Variants in SYNPR observed in about 807,000 individuals in gnomAD.
SYNPR encodes the protein synaptoporin.
A neutral mutation model predicts 32.9 loss-of-function variants in SYNPR; 23 were observed. That is an observed-to-expected ratio of 0.70 (90% CI 0.50 to 0.99). The LOEUF is 0.99. Among genes scored for constraint, SYNPR ranks in the 50% least tolerant of loss-of-function variants. The pLI, the probability that SYNPR is intolerant of heterozygous loss-of-function variation, is 0.00. For synonymous variants in SYNPR, 146 were observed against 135.9 expected, an observed-to-expected ratio of 1.07 and a Z score of -0.52; for missense variants, 318 against 349.3, an observed-to-expected ratio of 0.91 and a Z score of 0.71.
At chr3:63,391,066 C>T (rs1401532360) in intron 2 of SYNPR, among the ~76,000 whole-genome samples, 1 of 152,174 alleles carries the variant, frequency 6.6e-6, no homozygotes, top group Non-Finnish European at 1.5e-5. Context: ...CATCATGACT[C>T]AATTCCTTCT....
intron 2 of SYNPR, among the ~76,000 whole-genome samples, chr3:63,334,798 A>G (rs1188321460): frequency 6.6e-6 from 1 of 151,464 alleles, no homozygotes; most frequent in Non-Finnish European, 1.5e-5. Flanking sequence ...TATTAGGTTG[A>G]TGCAAAGGTA....
intron 3 of SYNPR, among the ~76,000 whole-genome samples, chr3:63,270,760 C>T (rs2086527343): frequency 6.6e-6 from 1 of 152,158 alleles, no homozygotes; most frequent in South Asian, 2.1e-4. Context: ...GAGCTTATCA[C>T]AGTGCCTGGC....
At chr3:63,203,136 ACAAG>A in the SYNPR span, 1 of 143,498 alleles carries the variant, frequency 7.0e-6, no homozygotes, top group African/African-American at 2.7e-5. Context: ...GTTTTTAAAA[ACAAG>A]CATCTATACC....
In SYNPR at chr3:63,454,234, T is replaced by C. The variant is rs1236796424; in HGVS notation, c.85-26598T>C. Among the ~76,000 whole-genome samples the C allele has an allele frequency of 2.0e-5, 3 of 152,228 alleles. No homozygotes were observed. The East Asian group carries it at 5.8e-4, about 29-fold the overall frequency. On this transcript the variant is annotated intron_variant, in intron 2 of 5. Transcript: ENST00000478300. Reference sequence around the variant, plus strand: ...ATGGGCTGTTCTTTCAAATACATATTTTAATAATTGAATTAAACAGTAAAT... The same window carrying C: ...ATGGGCTGTTCTTTCAAATACATATCTTAATAATTGAATTAAACAGTAAAT...
intron 2 of SYNPR, among the ~76,000 whole-genome samples, chr3:63,388,532 C>T (rs1044335587): frequency 3.3e-5 from 5 of 150,210 alleles, no homozygotes; most frequent in African/African-American, 7.4e-5. Context: ...GGATTACAGG[C>T]GCACACCACC....
In SYNPR at chr3:63,293,212, G is replaced by A. The variant is rs114004815; in HGVS notation, c.84+14470G>A. Among the ~76,000 whole-genome samples, 1,396 of 152,254 alleles carry A rather than the reference G, an allele frequency of 9.2e-3. 26 individuals carry two copies. Among genetic ancestry groups the A allele is most frequent in the African/African-American group, 0.031 (1,269 of 41,538 alleles). On this transcript the variant is annotated intron_variant, in intron 2 of 5. Coordinates refer to ENST00000478300, the MANE Select transcript of SYNPR (RefSeq NM_001130003.2). ...AGGTCACTTGCCTCAAGTCACATAG[G>A]TGGTAAGTGACCAAGGCAGGGTTTC...
intron 2 of SYNPR, among the ~76,000 whole-genome samples, chr3:63,264,821 G>A (rs1367877696): frequency 6.6e-6 from 1 of 152,140 alleles, no homozygotes; most frequent in East Asian, 1.9e-4. Flanking sequence ...GAAGGACGGA[G>A]TGAGGGCAAG....
chr3:63,453,172 T>TA (rs1217638792), intron 2 of SYNPR, among the ~76,000 whole-genome samples: 3 of 152,158 alleles, frequency 2.0e-5, no homozygotes, highest in African/African-American at 7.2e-5. Context: ...TAGCACAAGT[T>TA]AAAAGAATAG....
chr3:63,354,217 C>G lies in SYNPR; in HGVS notation c.84+75475C>G, dbSNP rs116547169. Among the ~76,000 whole-genome samples, 1,491 of 152,290 alleles carry G rather than the reference C, an allele frequency of 9.8e-3. 9 individuals are homozygous for G. Among genetic ancestry groups the G allele is most frequent in the Non-Finnish European group, 0.015 (1,037 of 68,016 alleles). On this transcript the variant is annotated intron_variant, in intron 2 of 5. Coordinates refer to ENST00000478300, the MANE Select transcript of SYNPR (RefSeq NM_001130003.2). The stretch of plus-strand genomic sequence containing the variant: ...AACAATGATCATTTGCTATTGCTTG[C>G]ATAAATAAGGGGCAACTGGGATTTC...
chr3:63,569,331 C>A (rs2106844393), intron 4 of SYNPR, among the ~76,000 whole-genome samples: 1 of 152,128 alleles, frequency 6.6e-6, no homozygotes, highest in Middle Eastern at 3.4e-3. Context: ...CTAATTTTTT[C>A]CACATTAAAT....
At chr3:63,334,171 C>G (rs921839927) in intron 2 of SYNPR, among the ~76,000 whole-genome samples, 1 of 152,164 alleles carries the variant, frequency 6.6e-6, no homozygotes, top group Non-Finnish European at 1.5e-5. Context: ...ATAGCTCTTA[C>G]ATGTTTTTTT....
chr3:63,258,030 A>C (rs1204526397), intron 2 of SYNPR, among the ~76,000 whole-genome samples: 2 of 152,212 alleles, frequency 1.3e-5, no homozygotes, highest in Non-Finnish European at 2.9e-5. Context: ...ACTATCCTAA[A>C]TATATATGCA....
chr3:63,228,105 A>G (rs951154868), upstream of SYNPR, among the ~76,000 whole-genome samples: 3 of 152,186 alleles, frequency 2.0e-5, no homozygotes, highest in African/African-American at 7.2e-5. Context: ...ATTATACAGA[A>G]AAAGAAGGGA....
chr3:63,358,289 G>C (rs1347664697), intron 2 of SYNPR, among the ~76,000 whole-genome samples: 1 of 152,198 alleles, frequency 6.6e-6, no homozygotes, highest in Non-Finnish European at 1.5e-5. Context: ...TGATCCTTTT[G>C]GAGACTCTAA....
intron 2 of SYNPR, among the ~76,000 whole-genome samples, chr3:63,377,196 C>T (rs1286597691): frequency 6.6e-6 from 1 of 152,078 alleles, no homozygotes; most frequent in African/African-American, 2.4e-5. Context: ...AGAAAGAGCA[C>T]ATAAGAAATA....
intron 2 of SYNPR, among the ~76,000 whole-genome samples, chr3:63,261,136 A>G (rs1184874407): frequency 6.6e-6 from 1 of 152,152 alleles, no homozygotes; most frequent in Non-Finnish European, 1.5e-5. Context: ...AACTCGTTCA[A>G]CCATTGTGGA....
Position 63,366,030 on chromosome 3 carries a change from C to A in SYNPR, c.84+87288C>A, listed in dbSNP as rs183880291. Among the ~76,000 whole-genome samples the A allele has an allele frequency of 1.5e-4, 23 of 152,242 alleles. No individual in the cohort carries two copies. The East Asian group carries it at 4.4e-3, about 29-fold the overall frequency. The stretch of plus-strand genomic sequence containing the variant: ...TATTTTAAATAATACTGAACACTGC[C>A]TGTGCAATTCATAAATATTTGCATT... On this transcript the variant is annotated intron_variant, in intron 2 of 5. Transcript: ENST00000478300.
chr3:63,281,669 C>T (rs2086631254), intron 2 of SYNPR, among the ~76,000 whole-genome samples: 1 of 152,134 alleles, frequency 6.6e-6, no homozygotes, highest in African/African-American at 2.4e-5. Context: ...AGCTAATCAC[C>T]TCCCAAAGGC....
intron 2 of SYNPR, among the ~76,000 whole-genome samples, chr3:63,413,890 G>C (rs568311019): frequency 2.0e-4 from 31 of 152,048 alleles, no homozygotes; most frequent in African/African-American, 6.0e-4. Context: ...TATTTTAGAA[G>C]CTAGGAGCTG....
Sources: allele counts gnomAD v4.1 joint callset (sites outside exome capture counted in the v4.1 genomes callset), GRCh38; gene constraint gnomAD v4.1.1; transcripts MANE v1.5; gene names NCBI Gene and HGNC (gene_info 2026-07-23, HGNC 2026-07-21).